The following OR14I1 variants were observed in gnomAD, a reference collection of about 807,000 sequenced individuals.
The protein encoded by OR14I1 is olfactory receptor 14I1.
For missense variants in OR14I1, 279 were observed against 181.8 expected, an observed-to-expected ratio of 1.53 and a Z score of -3.07; for synonymous variants, 118 against 71.1, an observed-to-expected ratio of 1.66 and a Z score of -3.32.
chr1:248,685,608 ACACT>A (rs964262778), upstream of OR14I1, among the ~76,000 whole-genome samples: 19 of 151,980 alleles, frequency 1.3e-4, no homozygotes, highest in African/African-American at 4.6e-4. Flanking sequence ...CTTGATTCTA[ACACT>A]CACATTTCTG....
At chr1:248,680,245 G>A (rs970510455), downstream of OR14I1, among the ~76,000 whole-genome samples, 1 of 152,092 alleles carries the variant, frequency 6.6e-6, no homozygotes, top group Non-Finnish European at 1.5e-5. Flanking sequence ...ATTTTTATTT[G>A]GCAGCATATC....
chr1:248,679,861 T>C (rs984824589), downstream of OR14I1, among the ~76,000 whole-genome samples: 5 of 152,196 alleles, frequency 3.3e-5, no homozygotes, highest in African/African-American at 1.2e-4. Context: ...CCATGGCAAA[T>C]TATCTTATAG....
chr1:248,689,575 A>T, the OR14I1 span, among the ~76,000 whole-genome samples: 1 of 152,194 alleles, frequency 6.6e-6, no homozygotes, highest in East Asian at 1.9e-4. Flanking sequence ...CCTAGTGGGT[A>T]TCTACACTTG....
At chr1:248,680,967 CGT>C (rs34495040), downstream of OR14I1, among the ~76,000 whole-genome samples, 14,027 of 147,110 alleles carry the variant, frequency 0.095, 750 homozygotes, top group East Asian at 0.23. Flanking sequence ...AAACTGTGTG[CGT>C]GTGTGTGTGT....
chr1:248,680,091 G>A (rs1478469487), downstream of OR14I1, among the ~76,000 whole-genome samples: 1 of 152,180 alleles, frequency 6.6e-6, no homozygotes, highest in Admixed American at 6.5e-5. Context: ...TTTCTCCTGT[G>A]TTGTAGCACT....
At chr1:248,679,898 A>G (rs553828337), downstream of OR14I1, among the ~76,000 whole-genome samples, 12 of 152,354 alleles carry the variant, frequency 7.9e-5, no homozygotes, top group South Asian at 2.1e-4. Flanking sequence ...TATGAGAGAA[A>G]AACAGTGATA....
upstream of OR14I1, among the ~76,000 whole-genome samples, chr1:248,686,511 A>G (rs1892439): frequency 0.82 from 124,997 of 152,066 alleles, 51,899 homozygotes; most frequent in Non-Finnish European, 0.88. Context: ...CTAGTCTCAA[A>G]CTAAAAATAG....
the OR14I1 span, among the ~76,000 whole-genome samples, chr1:248,693,923 A>G: frequency 0.18 from 27,777 of 151,044 alleles, 3,192 homozygotes; most frequent in African/African-American, 0.32. Context: ...AAAACCATTT[A>G]CTGGAATATT....
At chr1:248,683,903 A>T (rs2103133898), upstream of OR14I1, among the ~76,000 whole-genome samples, 1 of 152,304 alleles carries the variant, frequency 6.6e-6, no homozygotes, top group Middle Eastern at 3.4e-3. Flanking sequence ...GTGGTGGCAC[A>T]TGCCTGTAAT....
chr1:248,688,911 C>T, the OR14I1 span, among the ~76,000 whole-genome samples: 6 of 152,176 alleles, frequency 3.9e-5, no homozygotes, highest in South Asian at 4.1e-4. Context: ...TGATTTGAAA[C>T]TTCCATTTTT....
At chr1:248,701,114 A>C in the OR14I1 span, among the ~76,000 whole-genome samples, 1 of 152,264 alleles carries the variant, frequency 6.6e-6, no homozygotes, top group Non-Finnish European at 1.5e-5. Context: ...ATTGAAATAG[A>C]AACTTTTTAC....
At chr1:248,683,947 G>A (rs763002271), upstream of OR14I1, among the ~76,000 whole-genome samples, 3 of 152,158 alleles carry the variant, frequency 2.0e-5, no homozygotes, top group Non-Finnish European at 4.4e-5. Context: ...CAGGAGACTC[G>A]CTTGAACCTG....
At chr1:248,695,542 C>T in the OR14I1 span, among the ~76,000 whole-genome samples, 1 of 152,084 alleles carries the variant, frequency 6.6e-6, no homozygotes, top group African/African-American at 2.4e-5. Context: ...CGAATCTATG[C>T]GTTTTTAAAA....
At chr1:248,691,088 C>A in the OR14I1 span, among the ~76,000 whole-genome samples, 149,062 of 152,346 alleles carry the variant, frequency 0.98, 73,020 homozygotes, top group East Asian at 1. Context: ...CCATTTATCC[C>A]TTGATGGATA....
the OR14I1 span, among the ~76,000 whole-genome samples, chr1:248,694,264 C>T: frequency 2.6e-5 from 4 of 151,606 alleles, no homozygotes; most frequent in Admixed American, 6.6e-5. Context: ...CCTTTTTTTT[C>T]GGGAGCAAAA....
At chr1:248,687,588 A>G in the OR14I1 span, among the ~76,000 whole-genome samples, 1 of 152,246 alleles carries the variant, frequency 6.6e-6, no homozygotes, top group Non-Finnish European at 1.5e-5. Flanking sequence ...GAGGAAAGTG[A>G]GTCTTAATAT....
At chr1:248,687,512 A>G in the OR14I1 span, among the ~76,000 whole-genome samples, 3 of 152,256 alleles carry the variant, frequency 2.0e-5, no homozygotes, top group Non-Finnish European at 4.4e-5. Flanking sequence ...TTTGAAAATT[A>G]GAAGTGAATA....
chr1:248,681,666 C>A (rs1412343852), exon 1 of OR14I1: 1 of 780,914 alleles, frequency 1.3e-6, no homozygotes, highest in Non-Finnish European at 2.4e-6. Flanking sequence ...AATAGGAGAT[C>A]ATCATGAGAA....
At chr1:248,685,167 T>C (rs925233454), upstream of OR14I1, among the ~76,000 whole-genome samples, 4 of 152,012 alleles carry the variant, frequency 2.6e-5, no homozygotes, top group Non-Finnish European at 5.9e-5. Flanking sequence ...ATAGATTAAA[T>C]AAAATACCTC....
Sources: allele counts gnomAD v4.1 joint callset (sites outside exome capture counted in the v4.1 genomes callset), GRCh38; gene constraint gnomAD v4.1.1; transcripts MANE v1.5; gene names NCBI Gene and HGNC (gene_info 2026-07-23, HGNC 2026-07-21).